ZNF567: variants seen among roughly 807,000 people sequenced by gnomAD.
The protein encoded by ZNF567 is zinc finger protein 567.
Under a neutral mutation model 53.9 loss-of-function variants are expected in ZNF567, and 36 were observed. The observed-to-expected ratio is 0.67, with a 90% confidence interval of 0.51 to 0.88. ZNF567 has a LOEUF of 0.88. Among genes scored for constraint, ZNF567 ranks in the 40% least tolerant of loss-of-function variants. The pLI, the probability that ZNF567 is intolerant of heterozygous loss-of-function variation, is 0.00. For synonymous variants in ZNF567, 224 were observed against 260.4 expected (o/e 0.86, Z 1.35); for missense variants, 619 against 764.7 (o/e 0.81, Z 2.25).
chr19:36,702,868 G>A (rs997029896), intron 3 of ZNF567, among the ~76,000 whole-genome samples: 4 of 152,076 alleles, frequency 2.6e-5, no homozygotes, highest in African/African-American at 9.7e-5. Flanking sequence ...CCTTTGGTTT[G>A]AATTTCTTCC....
chr19:36,716,385 C>CT (rs944641769), intron 5 of ZNF567, among the ~76,000 whole-genome samples: 3 of 152,112 alleles, frequency 2.0e-5, no homozygotes, highest in Admixed American at 1.3e-4. Context: ...ATCTACCTTC[C>CT]TTTTTTTCTG....
chr19:36,694,570 G>C (rs761342295), intron 2 of ZNF567, among the ~76,000 whole-genome samples: 2 of 152,160 alleles, frequency 1.3e-5, no homozygotes, highest in Non-Finnish European at 2.9e-5. Context: ...TAGTGCTTGA[G>C]GGGAGAGGAG....
chr19:36,672,431 TG>T, the ZNF567 span, among the ~76,000 whole-genome samples: 1 of 152,170 alleles, frequency 6.6e-6, no homozygotes, highest in Non-Finnish European at 1.5e-5. Context: ...CATAATCGGG[TG>T]TATAGGATGA....
chr19:36,675,333 G>A, the ZNF567 span, among the ~76,000 whole-genome samples: 1 of 151,770 alleles, frequency 6.6e-6, no homozygotes, highest in African/African-American at 2.4e-5. Context: ...TGAGCCCAAG[G>A]AGTTGGAGAC....
intron 5 of ZNF567, chr19:36,714,602 C>T: frequency 7.7e-6 from 3 of 389,928 alleles, no homozygotes; most frequent in Non-Finnish European, 1.4e-5. Flanking sequence ...CTAAGCTCCC[C>T]TTCTCACTAC....
chr19:36,669,833 C>T, the ZNF567 span, among the ~76,000 whole-genome samples: 1 of 152,192 alleles, frequency 6.6e-6, no homozygotes, highest in African/African-American at 2.4e-5. Flanking sequence ...GGGACACTGA[C>T]TTTCTGTCTT....
At chr19:36,705,187 C>A (rs552307914) in intron 3 of ZNF567, among the ~76,000 whole-genome samples, 2 of 151,844 alleles carry the variant, frequency 1.3e-5, no homozygotes, top group Non-Finnish European at 2.9e-5. Context: ...ATTTTTGTTA[C>A]CTCATTTCTC....
At chr19:36,682,758 C>G (rs2038206655), upstream of ZNF567, among the ~76,000 whole-genome samples, 1 of 151,648 alleles carries the variant, frequency 6.6e-6, no homozygotes, top group South Asian at 2.1e-4. Flanking sequence ...CAGGTGCCCT[C>G]CACCACGCCC....
chr19:36,677,887 C>T, the ZNF567 span, among the ~76,000 whole-genome samples: 2 of 152,150 alleles, frequency 1.3e-5, no homozygotes, highest in East Asian at 1.9e-4. Context: ...ACTGATCTGA[C>T]ATTTTTATAG....
chr19:36,694,923 T>A, intron 3 of ZNF567, 47 bp downstream of exon 3: 4 of 1,505,898 alleles, frequency 2.7e-6, no homozygotes, highest in Non-Finnish European at 3.5e-6. Context: ...TTTTTTTTTT[T>A]TTTTTTAAGG....
chr19:36,720,101 C>T lies in ZNF567; in HGVS notation c.1377C>T (p.Arg459=), dbSNP rs766712945. 9 of 1,614,044 alleles carry T rather than the reference C, an allele frequency of 5.6e-6. No individual in the cohort carries two copies. In the Admixed American group the frequency reaches 1.5e-4, roughly 27 times the overall value. ...GTAGTGAATGTGGAAAGTCCTTCCGCCAGAAGACAACCCTTGTAGCACATC... is the reference window on the plus strand; with the variant it reads ...GTAGTGAATGTGGAAAGTCCTTCCGTCAGAAGACAACCCTTGTAGCACATC... ...YICSECGKSF[R]QKTTLVAHQR... The change falls in exon 6 of 6, where the codon CGC becomes CGT. Residue 459 remains arginine, a synonymous_variant. Transcript: ENST00000682579.
intron 3 of ZNF567, chr19:36,712,040 C>T: frequency 1.1e-5 from 2 of 173,930 alleles, no homozygotes; most frequent in South Asian, 2.6e-4. Flanking sequence ...ATCCAGTCCA[C>T]CTGTTCTTTT....
chr19:36,678,544 A>G, the ZNF567 span, among the ~76,000 whole-genome samples: 1 of 152,186 alleles, frequency 6.6e-6, no homozygotes, highest in Admixed American at 6.5e-5. Context: ...ACTTCTTAAT[A>G]ACAAGAATAC....
At position 36,704,858 on chromosome 19, in the gene ZNF567, C is replaced by T. The variant is rs78599091; in HGVS notation, c.10-7528C>T. Among the ~76,000 whole-genome samples the T allele has an allele frequency of 9.9e-3, 1,505 of 152,180 alleles. 30 individuals carry two copies. The highest frequency in any genetic ancestry group is 0.034 in the African/African-American group (1,418 of 41,516). ...GATTTCTTTGTGGAAAGTTGTTTAA[C>T]CAGTAGTTCAATTTTGGTAATAGAA... is the stretch of plus-strand genomic sequence containing the variant. On this transcript the variant is annotated intron_variant, in intron 3 of 5. Coordinates refer to ENST00000682579, the MANE Select transcript of ZNF567 (RefSeq NM_001322917.1).
chr19:36,720,674 G>A lies in ZNF567; in HGVS notation c.*6G>A. Reference sequence around the variant, plus strand: ...AAAACATTGAAATGCAATAAATGATGTGGTTTCTTATATGAATTCTTTACA... The same window carrying A: ...AAAACATTGAAATGCAATAAATGATATGGTTTCTTATATGAATTCTTTACA... On this transcript the variant is annotated 3_prime_UTR_variant, in exon 6 of 6. Transcript: ENST00000682579. The A allele has an allele frequency of 6.6e-7, 1 of 1,516,126 alleles. No individual in the cohort carries two copies. The highest frequency in any genetic ancestry group is 1.4e-5 in the South Asian group (1 of 72,176). 93.9% of individuals were successfully genotyped at this position (1,516,126 alleles called of 1,614,324 possible).
chr19:36,719,675 C>T lies in ZNF567; in HGVS notation c.951C>T (p.Ser317=), dbSNP rs967527240. Residue 317 remains serine (S), a synonymous_variant, in exon 6 of 6, where the codon TCC becomes TCT. Coordinates refer to ENST00000682579, the MANE Select transcript of ZNF567 (RefSeq NM_001322917.1). ...KPFVCNECGK[S]FRLKTALTDH... The stretch of plus-strand genomic sequence containing the variant: ...TTGTTTGCAATGAATGTGGTAAGTC[C>T]TTCCGCCTCAAGACAGCCCTCACTG... 4 of 1,613,776 alleles carry T rather than the reference C, an allele frequency of 2.5e-6. No individual in the cohort carries two copies. Among genetic ancestry groups the T allele is most frequent in the Non-Finnish European group, 3.4e-6 (4 of 1,179,938 alleles).
chr19:36,673,371 A>G, the ZNF567 span, among the ~76,000 whole-genome samples: 1 of 152,218 alleles, frequency 6.6e-6, no homozygotes. Flanking sequence ...GTCAAACATT[A>G]TTCTGGATGT....
chr19:36,695,752 C>G (rs1182282254), intron 3 of ZNF567, among the ~76,000 whole-genome samples: 1 of 151,598 alleles, frequency 6.6e-6, no homozygotes, highest in Non-Finnish European at 1.5e-5. Context: ...CAGTCTTCTT[C>G]CAGAAGCTAT....
At chr19:36,699,222 A>G (rs2039047092) in intron 3 of ZNF567, among the ~76,000 whole-genome samples, 1 of 152,180 alleles carries the variant, frequency 6.6e-6, no homozygotes, top group Non-Finnish European at 1.5e-5. Flanking sequence ...GTCAAAGCTC[A>G]GATAGTTGTA....
Sources: gnomAD v4.1 joint callset for allele counts (sites outside exome capture counted in the v4.1 genomes callset) on GRCh38, gnomAD v4.1.1 for gene constraint, MANE v1.5 for transcripts, NCBI Gene and HGNC (gene_info 2026-07-23, HGNC 2026-07-21) for gene names.